RINT1: variants seen among roughly 807,000 people sequenced by gnomAD.
The protein encoded by RINT1 is RAD50-interacting protein 1.
Under a neutral mutation model 97.7 loss-of-function variants are expected in RINT1, and 75 were observed. The ratio of observed to expected loss-of-function variants is 0.77; its 90% confidence interval spans 0.64 to 0.93. RINT1 has a LOEUF of 0.93. Ranked by LOEUF, RINT1 falls within the 40% of genes least tolerant of loss-of-function variation. The pLI is 0.00. For missense variants in RINT1, 892 were observed against 925.2 expected (o/e 0.96, Z 0.47); for synonymous variants, 303 against 326.3 (o/e 0.93, Z 0.77).
chr7:105,554,057 C>T (rs1332444383), intron 10 of RINT1, among the ~76,000 whole-genome samples: 1 of 151,748 alleles, frequency 6.6e-6, no homozygotes, highest in South Asian at 2.1e-4. Flanking sequence ...CGCCACCACA[C>T]TCGGCTAATT....
chr7:105,557,301 A>C (rs1015765418), intron 11 of RINT1, among the ~76,000 whole-genome samples: 1 of 152,168 alleles, frequency 6.6e-6, no homozygotes, highest in South Asian at 2.1e-4. Flanking sequence ...GTAAAGTGAG[A>C]ATTAAAAAAT....
chr7:105,547,820 C>T lies in RINT1; in HGVS notation c.839+487C>T, dbSNP rs182892943. 3.8e-4 allele frequency among the ~76,000 whole-genome samples: 57 copies of T among 151,364 alleles called. 1 individual carries two copies. The highest frequency in any genetic ancestry group is 1.2e-3 in the African/African-American group (50 of 41,240). On this transcript the variant is annotated intron_variant, in intron 6 of 14. Coordinates refer to ENST00000257700, the MANE Select transcript of RINT1 (RefSeq NM_021930.6). ...TCGGCTCACCACAGCCTCCACCTCCCGGGTTCAAGCGATTCTCCTGCCTCA... is the reference window on the plus strand; with the variant it reads ...TCGGCTCACCACAGCCTCCACCTCCTGGGTTCAAGCGATTCTCCTGCCTCA...
intron 2 of RINT1, among the ~76,000 whole-genome samples, chr7:105,533,318 C>G (rs1188894995): frequency 6.6e-6 from 1 of 152,110 alleles, no homozygotes; most frequent in Non-Finnish European, 1.5e-5. Flanking sequence ...ATTGCTCTGG[C>G]AAGAGCACAA....
At position 105,550,109 on chromosome 7, in the gene RINT1, C is replaced by G; in HGVS notation, c.1051C>G (p.Leu351Val). 6.2e-7 allele frequency: 1 copy of G among 1,613,868 alleles called. No individual in the cohort carries two copies. The highest frequency in any genetic ancestry group is 1.3e-5 in the African/African-American group (1 of 75,032). The change falls in exon 8 of 15, where the codon CTG (leucine) becomes GTG (valine). Residue 351 changes from leucine (L) to valine (V), a missense_variant. Leu to Val is a conservative substitution (Grantham distance 32). Coordinates refer to ENST00000257700, the MANE Select transcript of RINT1 (RefSeq NM_021930.6). Reference sequence around the variant, plus strand: ...GTGGATTGGAAACCATACTGAATTTCTGGATGAGAAGATTCAGCCAATATT... The same window carrying G: ...GTGGATTGGAAACCATACTGAATTTGTGGATGAGAAGATTCAGCCAATATT... ...LMWIGNHTEFLDEKIQPILDK... is the reference protein window; with the variant it reads ...LMWIGNHTEFVDEKIQPILDK...
At chr7:105,542,386 T>C (rs748663102) in intron 3 of RINT1, 22 bp from the exon 4 acceptor site, 1 of 1,531,766 alleles carries the variant, frequency 6.5e-7, no homozygotes, top group Non-Finnish European at 8.9e-7. Context: ...TTTCTTTCTT[T>C]CTTTTTTAAA....
At chr7:105,554,377 G>A (rs1367365456) in intron 10 of RINT1, among the ~76,000 whole-genome samples, 3 of 151,564 alleles carry the variant, frequency 2.0e-5, no homozygotes, top group Admixed American at 1.3e-4. Flanking sequence ...ATTTATTGAA[G>A]TTCTTTCTTT....
chr7:105,534,140 G>A (rs1176969912), intron 2 of RINT1, among the ~76,000 whole-genome samples: 1 of 151,528 alleles, frequency 6.6e-6, no homozygotes, highest in Non-Finnish European at 1.5e-5. Flanking sequence ...GCGCGATCTC[G>A]CCTTACTGCA....
chr7:105,546,013 C>CG (rs907056409), intron 4 of RINT1, among the ~76,000 whole-genome samples: 9 of 63,086 alleles, frequency 1.4e-4, no homozygotes, highest in South Asian at 5.3e-4. Flanking sequence ...GAAGGGGGGG[C>CG]GGGGGGCGTT....
chr7:105,547,618 C>G (rs561216677), intron 6 of RINT1, among the ~76,000 whole-genome samples: 2 of 151,928 alleles, frequency 1.3e-5, no homozygotes, highest in Non-Finnish European at 2.9e-5. Flanking sequence ...TGGGAGGAAA[C>G]CTTTAGTGTC....
chr7:105,560,758 TC>T (rs1253351269), intron 11 of RINT1, among the ~76,000 whole-genome samples: 2 of 152,094 alleles, frequency 1.3e-5, no homozygotes, highest in Non-Finnish European at 2.9e-5. Context: ...TCTCACTTTG[TC>T]ACCCAGGCTG....
intron 10 of RINT1, 22 bp from the exon 11 acceptor site, chr7:105,555,006 G>A: frequency 6.2e-7 from 1 of 1,600,660 alleles, no homozygotes; most frequent in East Asian, 2.2e-5. Flanking sequence ...ACCTTCATAT[G>A]TCTTAATAAC....
intron 11 of RINT1, among the ~76,000 whole-genome samples, chr7:105,557,335 A>T (rs1562855391): frequency 6.6e-6 from 1 of 152,154 alleles, no homozygotes; most frequent in African/African-American, 2.4e-5. Flanking sequence ...AATTAGATTG[A>T]TTAACTGAAG....
chr7:105,550,633 C>CTTTTCT (rs1790887411), intron 9 of RINT1, 147 bp downstream of exon 9: 1 of 620,940 alleles, frequency 1.6e-6, no homozygotes, highest in Non-Finnish European at 2.8e-6. Context: ...CAGAGATAAT[C>CTTTTCT]TTTTCTTTAC....
At chr7:105,546,888 A>AT in intron 4 of RINT1, 22 bp from the exon 5 acceptor site, 1 of 1,564,706 alleles carries the variant, frequency 6.4e-7, no homozygotes, top group Non-Finnish European at 8.6e-7. Context: ...AGAAAAAAAA[A>AT]TTTGCTTTAC....
chr7:105,565,567 C>G lies in RINT1; in HGVS notation c.2105C>G (p.Ala702Gly), dbSNP rs1791683980. ...AATCACTTCAATGAAGGAGGAGCAG[C>G]CCAGCTGCAGTTTGATATGACTCGG... ...LANHFNEGGA[A>G]QLQFDMTRNL... The change falls in exon 14 of 15, where the codon GCC becomes GGC. Residue 702 changes from alanine (A) to glycine (G), a missense_variant. Ala to Gly is a moderately conservative substitution (Grantham distance 60, BLOSUM62 0). Coordinates refer to ENST00000257700, the MANE Select transcript of RINT1 (RefSeq NM_021930.6). 1 of 1,613,768 alleles carries G rather than the reference C, an allele frequency of 6.2e-7. No individual in the cohort carries two copies. The highest frequency in any genetic ancestry group is 1.3e-5 in the African/African-American group (1 of 74,914).
intron 10 of RINT1, 146 bp from the exon 11 acceptor site, chr7:105,554,882 T>C (rs2133425541): frequency 1.6e-6 from 1 of 640,692 alleles, no homozygotes; most frequent in Admixed American, 2.9e-5. Context: ...ACTCACATCC[T>C]TAAGAGAGCT....
At chr7:105,535,646 A>G (rs1477138250) in intron 2 of RINT1, 8 of 443,206 alleles carry the variant, frequency 1.8e-5, no homozygotes, top group Admixed American at 1.2e-4. Flanking sequence ...TCCATCTCCC[A>G]GGCTGCTCAA....
At position 105,567,519 on chromosome 7, in the gene RINT1, A is replaced by G. The variant is rs781641468; in HGVS notation, c.*208A>G. 1.5e-6 allele frequency: 1 copy of G among 689,232 alleles called. No individual in the cohort carries two copies. The highest frequency in any genetic ancestry group is 2.7e-5 in the East Asian group (1 of 37,176). The allele number at this position is 689,232 out of a possible 1,614,324, so 42.7% of individuals were successfully genotyped here. On this transcript the variant is annotated 3_prime_UTR_variant, in exon 15 of 15. Transcript: ENST00000257700. ...AGGAAACAAAAACAGAAAACGAAACAATGAAAACTCAATTCTATTTACAAG... is the reference window on the plus strand; with the variant it reads ...AGGAAACAAAAACAGAAAACGAAACGATGAAAACTCAATTCTATTTACAAG...
chr7:105,563,959 A>G lies in RINT1; in HGVS notation c.1886+12A>G, dbSNP rs1175856322. Reference sequence around the variant, plus strand: ...TATAAAAAAGAAAGGTATGTCCTCTATGTAAGTCAGCTCTTAACACCAGTT... The same window carrying G: ...TATAAAAAAGAAAGGTATGTCCTCTGTGTAAGTCAGCTCTTAACACCAGTT... On this transcript the variant is annotated intron_variant, in intron 12 of 14. Transcript: ENST00000257700. 5.7e-6 allele frequency: 9 copies of G among 1,591,224 alleles called. No homozygotes were observed. The highest frequency in any genetic ancestry group is 1.7e-4 in the Middle Eastern group (1 of 6,000).
Sources: gnomAD v4.1 joint callset for allele counts (sites outside exome capture counted in the v4.1 genomes callset) on GRCh38, gnomAD v4.1.1 for gene constraint, MANE v1.5 for transcripts, NCBI Gene and HGNC (gene_info 2026-07-23, HGNC 2026-07-21) for gene names.